SPTBN5: variants seen among roughly 807,000 people sequenced by gnomAD.
SPTBN5 encodes the protein spectrin beta chain, non-erythrocytic 5.
Under a neutral mutation model 477.6 loss-of-function variants are expected in SPTBN5, and 513 were observed. The ratio of observed to expected loss-of-function variants is 1.07; its 90% confidence interval spans 1.00 to 1.16. The LOEUF is 1.16. Ranked by LOEUF, SPTBN5 falls within the 50% of genes most tolerant of loss-of-function variation. The pLI is 0.00. For synonymous variants in SPTBN5, 2,169 were observed against 2,011.7 expected, an observed-to-expected ratio of 1.08 and a Z score of -2.09; for missense variants, 5,062 against 4,731.8, an observed-to-expected ratio of 1.07 and a Z score of -2.05.
rs1239071957 is a variant in SPTBN5, at chr15:41,866,451, G to A, written c.6523C>T (p.Pro2175Ser). 1 of 1,598,514 alleles carries A rather than the reference G, an allele frequency of 6.3e-7. No individual in the cohort carries two copies. ...TCTCTCAGGTCCCCAGGAGGGACCG[G>A]CTCCTTCAGCTGCTGGGCCCACGCC... ...IQAWAQQLKEPVPPGDLRDKL... is the reference protein window; with the variant it reads ...IQAWAQQLKESVPPGDLRDKL... Residue 2175 changes from proline (P) to serine (S), a missense_variant, in exon 37 of 68, where the codon CCG (proline) becomes TCG (serine). By Grantham distance (74) the Pro-to-Ser change is moderately conservative (BLOSUM62 -1). Transcript: ENST00000320955.
Position 41,866,507 on chromosome 15 carries a change from G to A in SPTBN5, c.6481-14C>T. 1 of 1,541,272 alleles carries A rather than the reference G, an allele frequency of 6.5e-7. No homozygotes were observed. The highest frequency in any genetic ancestry group is 8.7e-7 in the Non-Finnish European group (1 of 1,147,664). ...CCAGTCCTCAGCCTGGTGGGGGTGG[G>A]ACATGAATGCTGCAATGTTCTGCAG... On this transcript the variant is annotated splice_polypyrimidine_tract_variant and intron_variant, in intron 36 of 67. Coordinates refer to ENST00000320955, the MANE Select transcript of SPTBN5 (RefSeq NM_016642.4).
Position 41,882,533 on chromosome 15 carries a change from G to C in SPTBN5, c.2046+52C>G, listed in dbSNP as rs1349389092. The C allele has an allele frequency of 3.8e-6, 6 of 1,588,588 alleles. No individual in the cohort carries two copies. The African/African-American group carries it at 6.7e-5, about 18-fold the overall frequency. On this transcript the variant is annotated intron_variant, in intron 10 of 67. Transcript: ENST00000320955. ...ACAGGGGAGGGGGCCGGGGGCCCGA[G>C]AGGGAAGGGCAAGGCGCTGGCGACC...
chr15:41,871,848 C>T lies in SPTBN5; in HGVS notation c.5235G>A (p.Trp1745Ter). 1 of 1,588,436 alleles carries T rather than the reference C, an allele frequency of 6.3e-7. No individual in the cohort carries two copies. The highest frequency in any genetic ancestry group is 8.6e-7 in the Non-Finnish European group (1 of 1,167,964). ...FLREAEDLQG[W>*]LASQKQAAKG... is the part of the protein sequence containing the mutation. ...TGGCTGCCTGCTTCTGGCTTGCCAG[C>T]CAGCCCTGCAGGTCCTCAGCCTCCC... Residue 1745 changes from tryptophan to a stop codon, truncating the protein, a stop_gained, in exon 28 of 68, where the codon TGG becomes TGA. Transcript: ENST00000320955. LOFTEE classifies it high-confidence loss of function.
At position 41,877,349 on chromosome 15, in the gene SPTBN5, G is replaced by A. The variant is rs1210238531; in HGVS notation, c.3478C>T (p.Gln1160Ter). ...ATGGGCTGGCTCTGAGCGTCCAGCT[G>A]CTGCAGCCTGACCAGGATGACAGGC... ...EIHLWQERLQQLDAQSQPMAA... is the reference protein window; with the variant it reads ...EIHLWQERLQ Residue 1160 changes from glutamine (Q) to a stop codon, truncating the protein, a stop_gained, in exon 18 of 68, where the codon CAG (glutamine) becomes TAG (stop). Transcript: ENST00000320955. LOFTEE classifies it high-confidence loss of function. 13 of 1,606,842 alleles carry A rather than the reference G, an allele frequency of 8.1e-6. No individual in the cohort carries two copies. Among genetic ancestry groups the A allele is most frequent in the Non-Finnish European group, 1.1e-5 (13 of 1,176,374 alleles).
At chr15:41,856,151 A>T (rs2065924344) in intron 53 of SPTBN5, among the ~76,000 whole-genome samples, 1 of 152,242 alleles carries the variant, frequency 6.6e-6, no homozygotes, top group Non-Finnish European at 1.5e-5. Context: ...GTTCCAGGTG[A>T]TTCTCATGTA....
Position 41,852,219 on chromosome 15 carries a change from C to A in SPTBN5, c.10547G>T (p.Gly3516Val). ...SFQWRPSGHQ[G>V]LGAQLAETRD... ...CGTCTCAGCCAGCTGTGCTCCTAGC[C>A]CCTGGTGTCCAGAGGGCCTCCACTG... is the stretch of plus-strand genomic sequence containing the variant. Residue 3516 changes from glycine to valine, a missense_variant, in exon 62 of 68, where the codon GGG (glycine) becomes GTG (valine). By Grantham distance (109) the Gly-to-Val change is moderately radical. Transcript: ENST00000320955. 6.2e-7 allele frequency: 1 copy of A among 1,608,514 alleles called. No homozygotes were observed.
chr15:41,885,675 T>C, intron 7 of SPTBN5, 60 bp downstream of exon 7: 1 of 1,502,412 alleles, frequency 6.7e-7, no homozygotes. Context: ...CATGGAAGGA[T>C]GGGGGTGTGG....
At position 41,853,724 on chromosome 15, in the gene SPTBN5, G is replaced by A; in HGVS notation, c.9838C>T (p.Gln3280Ter). Residue 3280 changes from glutamine to a stop codon, truncating the protein, a stop_gained, in exon 58 of 68, where the codon CAG (glutamine) becomes TAG (stop). Transcript: ENST00000320955. LOFTEE classifies it high-confidence loss of function. ...RLQTEACRLG[Q>*]LHPAAPGGLA... is the part of the protein sequence containing the mutation. ...CCCCCCGGAGCTGCAGGATGTAGCT[G>A]GCCCAGTCGGCAGGCCTCCGTCTGT... The A allele has an allele frequency of 6.3e-7, 1 of 1,591,098 alleles. No homozygotes were observed. The highest frequency in any genetic ancestry group is 8.6e-7 in the Non-Finnish European group (1 of 1,169,368).
intron 3 of SPTBN5, 179 bp downstream of exon 3, chr15:41,892,715 G>C (rs1324273999): frequency 1.6e-6 from 1 of 638,994 alleles, no homozygotes; most frequent in East Asian, 3.0e-5. Context: ...CCAAGTCAGG[G>C]GTGCTGTGCG....
intron 16 of SPTBN5, 131 bp downstream of exon 16, chr15:41,879,129 C>G: frequency 9.3e-7 from 1 of 1,076,032 alleles, no homozygotes; most frequent in Non-Finnish European, 1.3e-6. Context: ...GATCATCCCC[C>G]CATCTTTGCC....
chr15:41,856,128 C>T (rs1003921291), intron 53 of SPTBN5, among the ~76,000 whole-genome samples: 2 of 152,252 alleles, frequency 1.3e-5, no homozygotes, highest in Non-Finnish European at 2.9e-5. Flanking sequence ...GAGGTATAAT[C>T]GTTCAAGTGA....
intron 12 of SPTBN5, among the ~76,000 whole-genome samples, chr15:41,881,563 G>T (rs1198713589): frequency 6.6e-6 from 1 of 152,228 alleles, no homozygotes; most frequent in Non-Finnish European, 1.5e-5. Flanking sequence ...GGCAGTCTGG[G>T]TGAGTGATGA....
rs2067270231 is a variant in SPTBN5 at position 41,890,250 on chromosome 15, G to A, written c.385-45C>T. The A allele has an allele frequency of 2.2e-6, 3 of 1,389,002 alleles. No individual in the cohort carries two copies. The Admixed American group carries it at 5.6e-5, about 26-fold the overall frequency. The allele number at this position is 1,389,002 out of a possible 1,614,324, so 86.0% of individuals were successfully genotyped here. ...GGCTAAGCCATGAAGCCCATGTCCAGAGAGGACTCAGTCACCAAAAGCTTA... is the reference window on the plus strand; with the variant it reads ...GGCTAAGCCATGAAGCCCATGTCCAAAGAGGACTCAGTCACCAAAAGCTTA... On this transcript the variant is annotated intron_variant, in intron 3 of 67. Transcript: ENST00000320955.
At chr15:41,857,144 G>A in intron 51 of SPTBN5, 94 bp downstream of exon 51, 1 of 1,514,288 alleles carries the variant, frequency 6.6e-7, no homozygotes, top group Non-Finnish European at 8.9e-7. Flanking sequence ...CCATGGGCAA[G>A]GGGAGAAAGT....
intron 62 of SPTBN5, 23 bp from the exon 63 acceptor site, chr15:41,851,873 A>C: frequency 6.3e-7 from 1 of 1,597,620 alleles, no homozygotes. Context: ...GATGGGGCCC[A>C]GAAATGTCAG....
rs1178034611 is a variant in SPTBN5 at position 41,860,668 on chromosome 15, C to T, written c.7906G>A (p.Glu2636Lys). Residue 2636 changes from glutamate to lysine, a missense_variant, in exon 47 of 68, where the codon GAG becomes AAG. Glu to Lys is a moderately conservative substitution (Grantham distance 56, BLOSUM62 1). Transcript: ENST00000320955. Reference protein sequence around the residue: ...EVQAGKISALEATARGLHQGG... With the variant: ...EVQAGKISALKATARGLHQGG... ...TGGTGCAGGCCGCGGGCCGTGGCCT[C>T]CAGAGCACTGATCTTTCCCGCCTGC... The T allele has an allele frequency of 2.5e-6, 4 of 1,577,912 alleles. No individual in the cohort carries two copies. The highest frequency in any genetic ancestry group is 3.4e-6 in the Non-Finnish European group (4 of 1,162,650).
At position 41,879,325 on chromosome 15, in the gene SPTBN5, C is replaced by G. The variant is rs1185010396; in HGVS notation, c.3117G>C (p.Gln1039His). 7 of 1,611,330 alleles carry G rather than the reference C, an allele frequency of 4.3e-6. No homozygotes were observed. The Admixed American group carries it at 5.0e-5, about 12-fold the overall frequency. ...GCACCAGGGTCTTCTTCTGGGCCAG[C>G]TGCAGGGCGTGGCAGGTGTCCTCTG... The part of the protein sequence containing the change: ...GSSEDTCHAL[Q>H]LAQKKTLVLE... The change falls in exon 16 of 68, where the codon CAG (glutamine) becomes CAC (histidine). Residue 1039 changes from glutamine to histidine, a missense_variant. Coordinates refer to ENST00000320955, the MANE Select transcript of SPTBN5 (RefSeq NM_016642.4).
chr15:41,862,591 G>A lies in SPTBN5; in HGVS notation c.7333C>T (p.Gln2445Ter). ...PEAAHGLRHR[Q>*]QEVAESWWQL... The stretch of plus-strand genomic sequence containing the variant: ...CACCAGCTCTCAGCCACCTCCTGCT[G>A]CCTGTGCCTGAGGCCGTGGGCTGCC... The change falls in exon 43 of 68, where the codon CAG becomes TAG. Residue 2445 changes from glutamine to a stop codon, truncating the protein, a stop_gained. Coordinates refer to ENST00000320955, the MANE Select transcript of SPTBN5 (RefSeq NM_016642.4). LOFTEE classifies it high-confidence loss of function. 1.9e-6 allele frequency: 3 copies of A among 1,559,142 alleles called. No homozygotes were observed. The highest frequency in any genetic ancestry group is 2.6e-6 in the Non-Finnish European group (3 of 1,152,330).
At chr15:41,888,641 A>G (rs1170920158) in intron 4 of SPTBN5, among the ~76,000 whole-genome samples, 1 of 152,206 alleles carries the variant, frequency 6.6e-6, no homozygotes, top group African/African-American at 2.4e-5. Context: ...TTTGTATTTT[A>G]GTTGGAACGG....
Sources: allele counts gnomAD v4.1 joint callset (sites outside exome capture counted in the v4.1 genomes callset), GRCh38; gene constraint gnomAD v4.1.1; transcripts MANE v1.5; gene names NCBI Gene and HGNC (gene_info 2026-07-23, HGNC 2026-07-21).